Variants in TAS2R1 observed in about 807,000 individuals in gnomAD.
TAS2R1 encodes the protein taste receptor type 2 member 1.
For missense variants in TAS2R1, 370 were observed against 353.4 expected, an observed-to-expected ratio of 1.05 and a Z score of -0.38; for synonymous variants, 141 against 134.2, an observed-to-expected ratio of 1.05 and a Z score of -0.35.
At chr5:9,701,086 C>T (rs565613382) in intron 1 of TAS2R1, among the ~76,000 whole-genome samples, 3 of 152,248 alleles carry the variant, frequency 2.0e-5, no homozygotes, top group South Asian at 2.1e-4. Flanking sequence ...GTGAACCCCG[C>T]TGGCAAATTA....
rs10681888 is a variant in TAS2R1, at chr5:9,681,531, C to CAAAA, written c.-241-21954_-241-21951dup. Among the ~76,000 whole-genome samples the CAAAA allele has an allele frequency of 5.8e-3, 509 of 87,802 alleles. 35 individuals carry two copies. The highest frequency in any genetic ancestry group is 7.4e-3 in the African/African-American group (171 of 23,142). 57.6% of individuals were successfully genotyped at this position (87,802 alleles called of 152,430 possible). A position where few individuals can be genotyped will look rare whatever the true frequency, so the allele number is the denominator to read the frequency against. On this transcript the variant is annotated intron_variant, in intron 1 of 2. Coordinates refer to the TAS2R1 transcript ENST00000506620. ...TTTCAGGGGACTTCTCATGTTTCTG[C>CAAAA]AAAAAAAAAAAAAAAAAAAGATGCC...
At chr5:9,775,443 T>C in the TAS2R1 span, among the ~76,000 whole-genome samples, 50,584 of 151,704 alleles carry the variant, frequency 0.33, 9,531 homozygotes, top group Admixed American at 0.44. Context: ...GAGCTGGTGG[T>C]ACCTGAGGTG....
chr5:9,872,308 T>C, the TAS2R1 span, among the ~76,000 whole-genome samples: 2 of 152,182 alleles, frequency 1.3e-5, no homozygotes, highest in Admixed American at 6.5e-5. Flanking sequence ...ACTGTTATGA[T>C]TGGCTGGATT....
chr5:9,760,492 T>C, the TAS2R1 span, among the ~76,000 whole-genome samples: 4 of 152,180 alleles, frequency 2.6e-5, no homozygotes, highest in African/African-American at 7.2e-5. Flanking sequence ...AAGAATTGTA[T>C]ACAACTAAGT....
chr5:9,825,499 G>C, the TAS2R1 span, among the ~76,000 whole-genome samples: 1 of 152,182 alleles, frequency 6.6e-6, no homozygotes, highest in African/African-American at 2.4e-5. Context: ...TTCAAGATGA[G>C]ATTTGGGTGT....
chr5:9,807,419 G>T, the TAS2R1 span, among the ~76,000 whole-genome samples: 2 of 152,238 alleles, frequency 1.3e-5, no homozygotes, highest in South Asian at 2.1e-4. Context: ...CAGAGGAAAA[G>T]AAGTCATTGT....
At chr5:9,646,031 A>G (rs993741338) in intron 2 of TAS2R1, among the ~76,000 whole-genome samples, 4 of 152,128 alleles carry the variant, frequency 2.6e-5, no homozygotes, top group African/African-American at 9.7e-5. Context: ...TCTATTTCTC[A>G]TAGTTAGTAA....
At chr5:9,667,083 C>T (rs1037868480) in intron 1 of TAS2R1, among the ~76,000 whole-genome samples, 17 of 152,018 alleles carry the variant, frequency 1.1e-4, no homozygotes, top group African/African-American at 3.6e-4. Context: ...TTCTTGAGTC[C>T]GTTTTTTTCT....
chr5:9,675,505 C>G (rs1197782131), intron 1 of TAS2R1, among the ~76,000 whole-genome samples: 3 of 151,292 alleles, frequency 2.0e-5, no homozygotes, highest in Non-Finnish European at 4.4e-5. Context: ...CAACCTCCAC[C>G]TCCTGGGTTC....
chr5:9,759,043 T>C, the TAS2R1 span, among the ~76,000 whole-genome samples: 23 of 152,316 alleles, frequency 1.5e-4, no homozygotes, highest in African/African-American at 5.5e-4. Context: ...ATTGGAACTG[T>C]AGAAGTCAAA....
chr5:9,832,402 T>C, the TAS2R1 span, among the ~76,000 whole-genome samples: 1 of 152,218 alleles, frequency 6.6e-6, no homozygotes, highest in African/African-American at 2.4e-5. Context: ...GCATTCATGT[T>C]TCAAGGTTTT....
chr5:9,725,409 G>GGCTGGCCCT, the TAS2R1 span, among the ~76,000 whole-genome samples: 51 of 152,324 alleles, frequency 3.3e-4, no homozygotes, highest in African/African-American at 9.9e-4. Flanking sequence ...TGGAGCAGCC[G>GGCTGGCCCT]GCTGGCCCTG....
chr5:9,778,829 A>G, the TAS2R1 span, among the ~76,000 whole-genome samples: 1 of 152,244 alleles, frequency 6.6e-6, no homozygotes, highest in Admixed American at 6.5e-5. Context: ...CAGACTGCTA[A>G]AACTTTCTCC....
the TAS2R1 span, among the ~76,000 whole-genome samples, chr5:9,756,271 C>T: frequency 6.6e-6 from 1 of 152,104 alleles, no homozygotes; most frequent in African/African-American, 2.4e-5. Context: ...CAGAGTAAAA[C>T]AAAAATTATC....
At chr5:9,857,940 C>T in the TAS2R1 span, among the ~76,000 whole-genome samples, 1 of 152,034 alleles carries the variant, frequency 6.6e-6, no homozygotes, top group African/African-American at 2.4e-5. Flanking sequence ...ACCCTGGTGC[C>T]TGGGTCTGCA....
the TAS2R1 span, among the ~76,000 whole-genome samples, chr5:9,795,356 A>T: frequency 1.3e-5 from 2 of 152,228 alleles, no homozygotes; most frequent in Non-Finnish European, 2.9e-5. Context: ...AGGACAAAGT[A>T]ATATCTTCAA....
chr5:9,876,488 A>G, the TAS2R1 span, among the ~76,000 whole-genome samples: 6 of 152,202 alleles, frequency 3.9e-5, no homozygotes, highest in African/African-American at 1.4e-4. Context: ...CATCCTTCAC[A>G]GAAGCCACAT....
At chr5:9,685,896 G>A (rs1159297) in intron 1 of TAS2R1, among the ~76,000 whole-genome samples, 14,527 of 152,128 alleles carry the variant, frequency 0.095, 719 homozygotes, top group South Asian at 0.19. Flanking sequence ...ATGGAGCTTC[G>A]CTCTTGTCAC....
chr5:9,878,798 G>A, the TAS2R1 span, among the ~76,000 whole-genome samples: 2 of 152,240 alleles, frequency 1.3e-5, no homozygotes, highest in Admixed American at 6.5e-5. Context: ...TGTGGATGTT[G>A]TAGGAACTGT....
Sources: gnomAD v4.1 joint callset for allele counts (sites outside exome capture counted in the v4.1 genomes callset) on GRCh38, gnomAD v4.1.1 for gene constraint, MANE v1.5 for transcripts, NCBI Gene and HGNC (gene_info 2026-07-23, HGNC 2026-07-21) for gene names.